NT5DC1: variants seen among roughly 807,000 people sequenced by gnomAD.
NT5DC1 encodes the protein 5'-nucleotidase domain containing 1.
In NT5DC1, 42 loss-of-function variants were observed where a neutral mutation model predicts 59.4. That is an observed-to-expected ratio of 0.71 (90% confidence interval 0.55 to 0.92). The LOEUF (loss-of-function observed/expected upper bound fraction) is 0.92, where lower values mean the gene tolerates loss of function less well. Ranked by LOEUF, NT5DC1 falls within the 40% of genes least tolerant of loss-of-function variation. The pLI is 0.00. For missense variants in NT5DC1, 501 were observed against 537.1 expected, an observed-to-expected ratio of 0.93 and a Z score of 0.66; for synonymous variants, 172 against 188.1, an observed-to-expected ratio of 0.91 and a Z score of 0.70.
At chr6:116,164,690 C>G (rs1311872510) in intron 6 of NT5DC1, among the ~76,000 whole-genome samples, 1 of 152,072 alleles carries the variant, frequency 6.6e-6, no homozygotes, top group African/African-American at 2.4e-5. Context: ...CTTACGTGTG[C>G]TTTTGTGGTA....
At chr6:116,205,603 G>A (rs1252003588) in intron 6 of NT5DC1, among the ~76,000 whole-genome samples, 1 of 151,742 alleles carries the variant, frequency 6.6e-6, no homozygotes, top group Admixed American at 6.6e-5. Context: ...ATAAATTGGG[G>A]GGGAAAAAAG....
chr6:116,218,990 A>T (rs1023277231), intron 6 of NT5DC1, among the ~76,000 whole-genome samples: 21 of 152,126 alleles, frequency 1.4e-4, no homozygotes, highest in Admixed American at 1.3e-4. Flanking sequence ...TCAGTGACTT[A>T]ATCAGAAATC....
chr6:116,206,415 A>T (rs778827964), intron 6 of NT5DC1, among the ~76,000 whole-genome samples: 10 of 152,022 alleles, frequency 6.6e-5, no homozygotes, highest in Admixed American at 2.0e-4. Flanking sequence ...TCAATGACTA[A>T]AGCACTTACC....
At chr6:116,110,807 A>G in intron 3 of NT5DC1, 43 bp from the exon 4 acceptor site, 1 of 1,351,192 alleles carries the variant, frequency 7.4e-7, no homozygotes, top group Non-Finnish European at 1.1e-6. Flanking sequence ...AGGGGCATTC[A>G]AGGAACCATT....
chr6:116,140,149 C>G (rs1224821566), intron 6 of NT5DC1, among the ~76,000 whole-genome samples: 3 of 152,178 alleles, frequency 2.0e-5, no homozygotes, highest in Admixed American at 2.0e-4. Flanking sequence ...TCAAAGGCTA[C>G]TTTGGCATTT....
chr6:116,203,367 C>T (rs987222222), intron 6 of NT5DC1, among the ~76,000 whole-genome samples: 4 of 151,970 alleles, frequency 2.6e-5, no homozygotes, highest in Non-Finnish European at 5.9e-5. Flanking sequence ...GCCAGAAGCT[C>T]TCTTCATGCT....
chr6:116,241,833 G>T (rs1771726227), intron 11 of NT5DC1, among the ~76,000 whole-genome samples: 1 of 148,668 alleles, frequency 6.7e-6, no homozygotes, highest in Non-Finnish European at 1.5e-5. Context: ...CGAGGCAGGA[G>T]AATGGCATGA....
At chr6:116,168,544 T>G (rs1048773633) in intron 6 of NT5DC1, among the ~76,000 whole-genome samples, 10 of 152,298 alleles carry the variant, frequency 6.6e-5, no homozygotes, top group African/African-American at 2.4e-4. Flanking sequence ...CCATAGGAGC[T>G]TCTGTGGATC....
intron 8 of NT5DC1, 62 bp downstream of exon 8, chr6:116,223,193 C>A: frequency 1.2e-6 from 1 of 808,224 alleles, no homozygotes; most frequent in Non-Finnish European, 2.1e-6. Context: ...TTGTGCAGAA[C>A]ACTGTGTTGC....
In NT5DC1 at chr6:116,246,472, C is replaced by T. The variant is rs1183889978; in HGVS notation, c.*2448C>T. The stretch of plus-strand genomic sequence containing the variant: ...ATATCCAAAAATAACTTTAAATACA[C>T]ACACACACACACACACACACACTTT... On this transcript the variant is annotated 3_prime_UTR_variant, in exon 12 of 12. Coordinates refer to ENST00000319550, the MANE Select transcript of NT5DC1 (RefSeq NM_152729.3). The T allele has an allele frequency of 1.3e-5, 2 of 151,246 alleles. No homozygotes were observed. Among genetic ancestry groups the T allele is most frequent in the Non-Finnish European group, 3.0e-5 (2 of 67,640 alleles). 9.4% of individuals were successfully genotyped at this position (151,246 alleles called of 1,614,324 possible).
chr6:116,249,246 C>G lies in NT5DC1; in HGVS notation c.*5222C>G, dbSNP rs1432058212. ...AAGAAATTGCAAGTAATAATTGCAC[C>G]AAGAGTCAGCATCTATTTTAACTGT... On this transcript the variant is annotated 3_prime_UTR_variant, in exon 12 of 12. Transcript: ENST00000319550. 6.6e-6 allele frequency: 1 copy of G among 152,082 alleles called. No individual in the cohort carries two copies. The highest frequency in any genetic ancestry group is 1.5e-5 in the Non-Finnish European group (1 of 68,016). The allele number at this position is 152,082 out of a possible 1,614,324, so 9.4% of individuals were successfully genotyped here. A position where few individuals can be genotyped will look rare whatever the true frequency, so the allele number is the denominator to read the frequency against.
chr6:116,239,151 C>T (rs1453469673), intron 11 of NT5DC1, 28 bp downstream of exon 11: 2 of 1,519,412 alleles, frequency 1.3e-6, no homozygotes, highest in Non-Finnish European at 9.1e-7. Flanking sequence ...TATAAAGCTT[C>T]ACCTGTTACT....
intron 6 of NT5DC1, among the ~76,000 whole-genome samples, chr6:116,171,005 A>T (rs1047545051): frequency 6.6e-6 from 1 of 151,174 alleles, no homozygotes; most frequent in African/African-American, 2.4e-5. Context: ...GCCTGTTACC[A>T]CCCTACCACG....
At chr6:116,130,338 C>T (rs1278203094) in intron 6 of NT5DC1, among the ~76,000 whole-genome samples, 4 of 152,100 alleles carry the variant, frequency 2.6e-5, no homozygotes, top group Middle Eastern at 3.4e-3. Context: ...TGTTTCAGTC[C>T]GTGGCACTTA....
chr6:116,231,557 A>G (rs549286513), intron 8 of NT5DC1, among the ~76,000 whole-genome samples: 2 of 152,370 alleles, frequency 1.3e-5, no homozygotes, highest in African/African-American at 4.8e-5. Flanking sequence ...TCACTGCTAT[A>G]TCCCTACTGA....
At chr6:116,117,072 G>A (rs1778978328) in intron 5 of NT5DC1, among the ~76,000 whole-genome samples, 1 of 152,130 alleles carries the variant, frequency 6.6e-6, no homozygotes, top group African/African-American at 2.4e-5. Flanking sequence ...TCGAAATTCA[G>A]GTTAAGTGTG....
chr6:116,229,000 A>AT (rs1486869988), intron 8 of NT5DC1, among the ~76,000 whole-genome samples: 1 of 152,148 alleles, frequency 6.6e-6, no homozygotes, highest in Non-Finnish European at 1.5e-5. Context: ...TCAGAAGCCC[A>AT]TTTCTATCTG....
chr6:116,125,109 T>C (rs1403748030), intron 6 of NT5DC1, among the ~76,000 whole-genome samples: 2 of 152,222 alleles, frequency 1.3e-5, no homozygotes, highest in South Asian at 2.1e-4. Context: ...AAAGTTCTGA[T>C]TTTTTGCAGG....
At chr6:116,224,915 A>G (rs1781878180) in intron 8 of NT5DC1, among the ~76,000 whole-genome samples, 1 of 152,192 alleles carries the variant, frequency 6.6e-6, no homozygotes, top group Non-Finnish European at 1.5e-5. Flanking sequence ...CCCTAGTAAG[A>G]TAACTGTCGT....
Sources: gnomAD v4.1 joint callset for allele counts (sites outside exome capture counted in the v4.1 genomes callset) on GRCh38, gnomAD v4.1.1 for gene constraint, MANE v1.5 for transcripts, NCBI Gene and HGNC (gene_info 2026-07-23, HGNC 2026-07-21) for gene names.